AXDND1: variants seen among roughly 807,000 people sequenced by gnomAD.
AXDND1 encodes the protein axonemal dynein light chain domain containing 1.
Under a neutral mutation model 137.5 loss-of-function variants are expected in AXDND1, and 110 were observed. The observed-to-expected ratio is 0.80, with a 90% CI of 0.69 to 0.94. The LOEUF is 0.94. Ranked by LOEUF, AXDND1 falls within the 40% of genes least tolerant of loss-of-function variation. AXDND1 has a pLI of 0.00. For missense variants in AXDND1, 1,191 were observed against 1,169.8 expected, an observed-to-expected ratio of 1.02 and a Z score of -0.26; for synonymous variants, 414 against 399.7, an observed-to-expected ratio of 1.04 and a Z score of -0.43.
chr1:179,481,545 C>A (rs1461204167), intron 17 of AXDND1, among the ~76,000 whole-genome samples: 1 of 152,142 alleles, frequency 6.6e-6, no homozygotes, highest in Non-Finnish European at 1.5e-5. Flanking sequence ...TTCTGGATCC[C>A]TGAGGAATCA....
intron 18 of AXDND1, among the ~76,000 whole-genome samples, chr1:179,487,352 C>G (rs1411010277): frequency 6.7e-6 from 1 of 148,254 alleles, no homozygotes; most frequent in South Asian, 2.1e-4. Context: ...TTTGAGCAAG[C>G]CTTTCTAACT....
chr1:179,492,900 T>C lies in AXDND1; in HGVS notation c.2337T>C (p.Thr779=). ...CAGCAATGGCTCTGAGTAAATCCAC[T>C]AACTCACACAAAAATGCTACTGAAG... ...MVTAMALSKS[T]NSHKNATEDL... Residue 779 remains threonine, a synonymous_variant, in exon 20 of 26, where the codon ACT becomes ACC. Transcript: ENST00000367618. 6.2e-7 allele frequency: 1 copy of C among 1,612,002 alleles called. No homozygotes were observed. The highest frequency in any genetic ancestry group is 8.5e-7 in the Non-Finnish European group (1 of 1,179,420).
intron 21 of AXDND1, among the ~76,000 whole-genome samples, 189 bp from the exon 22 acceptor site, chr1:179,525,145 C>T (rs1053285241): frequency 2.0e-5 from 3 of 152,196 alleles, no homozygotes; most frequent in African/African-American, 4.8e-5. Flanking sequence ...TGAATGTATG[C>T]ATTCATTGTA....
Position 179,438,762 on chromosome 1 carries a change from T to C in AXDND1, c.1564-6208T>C, listed in dbSNP as rs770757913. Among the ~76,000 whole-genome samples the C allele has an allele frequency of 3.7e-4, 57 of 152,288 alleles. 1 individual carries two copies. The highest frequency in any genetic ancestry group is 7.1e-4 in the Non-Finnish European group (48 of 68,022). On this transcript the variant is annotated intron_variant, in intron 15 of 25. Transcript: ENST00000367618. ...TGATATAACTGGCAAGATTTGCAGG[T>C]CAATTGGGTATTGTTTACCTGGAGC...
chr1:179,504,911 T>A (rs1053780987), intron 20 of AXDND1, among the ~76,000 whole-genome samples: 2 of 152,230 alleles, frequency 1.3e-5, no homozygotes, highest in African/African-American at 2.4e-5. Flanking sequence ...AGAAAATGCA[T>A]ATGCCTTTTC....
intron 22 of AXDND1, among the ~76,000 whole-genome samples, chr1:179,525,860 G>T (rs1670489188): frequency 6.6e-6 from 1 of 151,964 alleles, no homozygotes; most frequent in Non-Finnish European, 1.5e-5. Context: ...AGACAGTGGA[G>T]AATAGAAGTA....
intron 21 of AXDND1, among the ~76,000 whole-genome samples, chr1:179,520,425 C>T (rs1669944416): frequency 6.6e-6 from 1 of 152,006 alleles, no homozygotes; most frequent in African/African-American, 2.4e-5. Context: ...GCTATTCTTG[C>T]TTACTTATTC....
chr1:179,443,254 GC>G (rs1659266731), intron 15 of AXDND1, among the ~76,000 whole-genome samples: 1 of 152,188 alleles, frequency 6.6e-6, no homozygotes, highest in Admixed American at 6.5e-5. Context: ...GTCCCACGGG[GC>G]TTCGGCTCCC....
chr1:179,395,236 G>T, intron 11 of AXDND1, 34 bp downstream of exon 11: 1 of 1,555,240 alleles, frequency 6.4e-7, no homozygotes, highest in South Asian at 1.1e-5. Context: ...GCTTACATAG[G>T]GGAAAAGGAA....
chr1:179,420,669 C>T (rs1655543734), intron 12 of AXDND1, among the ~76,000 whole-genome samples: 1 of 149,736 alleles, frequency 6.7e-6, no homozygotes. Context: ...TTCCCCCTGG[C>T]TGGAGTGCAG....
At chr1:179,441,716 A>G (rs1016985382) in intron 15 of AXDND1, among the ~76,000 whole-genome samples, 1 of 152,168 alleles carries the variant, frequency 6.6e-6, no homozygotes, top group Non-Finnish European at 1.5e-5. Flanking sequence ...GCCTGTACAC[A>G]CTGCTGATAA....
intron 16 of AXDND1, chr1:179,453,293 C>T (rs1430900288): frequency 1.3e-5 from 2 of 152,290 alleles, no homozygotes; most frequent in Non-Finnish European, 2.9e-5. Flanking sequence ...GGCCACTGTC[C>T]TCCAGACCCC....
intron 25 of AXDND1, among the ~76,000 whole-genome samples, chr1:179,540,811 G>A (rs1232680454): frequency 6.6e-6 from 1 of 152,212 alleles, no homozygotes; most frequent in Non-Finnish European, 1.5e-5. Flanking sequence ...CAGGTGCTCT[G>A]TCCCAGGGAG....
At chr1:179,442,879 G>C (rs1456227583) in intron 15 of AXDND1, among the ~76,000 whole-genome samples, 2 of 152,188 alleles carry the variant, frequency 1.3e-5, no homozygotes, top group African/African-American at 4.8e-5. Context: ...AAAGACAAGA[G>C]ACAAAAGAGT....
rs1670426977 is a variant in AXDND1 at position 179,525,317 on chromosome 1, A to G, written c.2497-17A>G. Reference sequence around the variant, plus strand: ...TTTATATACACCCTTTAATCATAATATTGGTTCATCTCACAGGAGGCTGTA... The same window carrying G: ...TTTATATACACCCTTTAATCATAATGTTGGTTCATCTCACAGGAGGCTGTA... On this transcript the variant is annotated splice_polypyrimidine_tract_variant and intron_variant, in intron 21 of 25. Transcript: ENST00000367618. 6.3e-7 allele frequency: 1 copy of G among 1,597,536 alleles called. No individual in the cohort carries two copies. The highest frequency in any genetic ancestry group is 1.8e-5 in the Admixed American group (1 of 56,966).
At chr1:179,481,301 A>C (rs568365502) in intron 17 of AXDND1, among the ~76,000 whole-genome samples, 1 of 151,004 alleles carries the variant, frequency 6.6e-6, no homozygotes, top group Non-Finnish European at 1.5e-5. Flanking sequence ...TGTCCCTACA[A>C]AGGACGTGAA....
intron 18 of AXDND1, among the ~76,000 whole-genome samples, chr1:179,490,815 T>C (rs542514356): frequency 1.3e-5 from 2 of 151,888 alleles, no homozygotes; most frequent in Non-Finnish European, 2.9e-5. Flanking sequence ...CAAAAAGATA[T>C]GATGTCATCA....
At chr1:179,553,282 G>A (rs569098305) in intron 25 of AXDND1, among the ~76,000 whole-genome samples, 8 of 152,144 alleles carry the variant, frequency 5.3e-5, no homozygotes, top group South Asian at 2.1e-4. Context: ...AATTGAAAAC[G>A]TGTTCACTCA....
At chr1:179,445,256 ATAAT>A in intron 16 of AXDND1, 52 bp downstream of exon 16, 1 of 1,219,458 alleles carries the variant, frequency 8.2e-7, no homozygotes. Flanking sequence ...TGTTTCCACA[ATAAT>A]TATTTTCAAT....
Sources: allele counts gnomAD v4.1 joint callset (sites outside exome capture counted in the v4.1 genomes callset), GRCh38; gene constraint gnomAD v4.1.1; transcripts MANE v1.5; gene names NCBI Gene and HGNC (gene_info 2026-07-23, HGNC 2026-07-21).